JAK2: variants seen among roughly 807,000 people sequenced by gnomAD.
JAK2 encodes the protein tyrosine-protein kinase JAK2.
Under a neutral mutation model 139.3 loss-of-function variants are expected in JAK2, and 86 were observed. The ratio of observed to expected loss-of-function variants is 0.62; its 90% CI spans 0.52 to 0.74. The LOEUF (loss-of-function observed/expected upper bound fraction) is 0.74, where lower values mean the gene tolerates loss of function less well. Ranked by LOEUF, JAK2 falls within the 30% of genes least tolerant of loss-of-function variation. The probability of loss-of-function intolerance (pLI) is 0.00; values close to 1 mark genes in which losing one functional copy is unlikely to be tolerated. For synonymous variants in JAK2, 490 were observed against 437.7 expected, an observed-to-expected ratio of 1.12 and a Z score of -1.49; for missense variants, 1,421 against 1,360.3, an observed-to-expected ratio of 1.04 and a Z score of -0.70.
rs1229569400 is a variant in JAK2 at position 5,069,965 on chromosome 9, T to A, written c.1554T>A (p.Ser518=). 5 of 1,607,260 alleles carry A rather than the reference T, an allele frequency of 3.1e-6. No homozygotes were observed. The highest frequency in any genetic ancestry group is 4.3e-6 in the Non-Finnish European group (5 of 1,175,144). The change falls in exon 12 of 25, where the codon TCT becomes TCA. Residue 518 remains serine, a synonymous_variant. Coordinates refer to ENST00000381652, the MANE Select transcript of JAK2 (RefSeq NM_004972.4). ...TAGTCTTCAGAACGAATGGTGTTTC[T>A]GATGTACCAACCTCACCAACATTAC... is the stretch of plus-strand genomic sequence containing the variant. ...NLLVFRTNGV[S]DVPTSPTLQR... is the part of the protein sequence containing the mutation.
intron 1 of JAK2, 56 bp from the exon 2 acceptor site, chr9:4,985,884 G>A (rs527947137): frequency 6.5e-5 from 10 of 152,900 alleles, no homozygotes; most frequent in Admixed American, 2.0e-4. Context: ...CCTAGAAAAA[G>A]CATTTGTTTC....
At chr9:5,035,861 G>A (rs1022366512) in intron 4 of JAK2, among the ~76,000 whole-genome samples, 3 of 152,190 alleles carry the variant, frequency 2.0e-5, no homozygotes, top group Non-Finnish European at 4.4e-5. Flanking sequence ...ATTCAACATA[G>A]TGTTGGAAGT....
At chr9:5,102,491 TC>T (rs1821583439) in intron 22 of JAK2, among the ~76,000 whole-genome samples, 1 of 152,044 alleles carries the variant, frequency 6.6e-6, no homozygotes, top group African/African-American at 2.4e-5. Flanking sequence ...CAGGAGAACT[TC>T]CCCGACCTAC....
At chr9:5,013,090 C>T (rs964057963) in intron 2 of JAK2, among the ~76,000 whole-genome samples, 1 of 152,092 alleles carries the variant, frequency 6.6e-6, no homozygotes, top group Non-Finnish European at 1.5e-5. Flanking sequence ...AAAGGTTGAC[C>T]AAATTCTTTA....
At chr9:5,118,095 T>C (rs1394064300) in intron 22 of JAK2, among the ~76,000 whole-genome samples, 2 of 152,168 alleles carry the variant, frequency 1.3e-5, no homozygotes, top group African/African-American at 4.8e-5. Context: ...ATCTAAATAG[T>C]GCTTGCAGTG....
intron 2 of JAK2, among the ~76,000 whole-genome samples, chr9:5,012,938 T>C (rs1389646996): frequency 6.6e-6 from 1 of 152,136 alleles, no homozygotes; most frequent in Non-Finnish European, 1.5e-5. Flanking sequence ...TTGCAATAGT[T>C]CAGGAGAGAA....
chr9:5,125,401 C>A (rs1823913829), intron 23 of JAK2, among the ~76,000 whole-genome samples: 1 of 151,340 alleles, frequency 6.6e-6, no homozygotes, highest in African/African-American at 2.4e-5. Flanking sequence ...AGCATTCCAT[C>A]ATAAGGCTAT....
intron 2 of JAK2, among the ~76,000 whole-genome samples, chr9:5,009,684 CATTGCAT>C (rs1821558373): frequency 6.6e-6 from 1 of 152,130 alleles, no homozygotes; most frequent in Non-Finnish European, 1.5e-5. Context: ...CCTTGATAAT[CATTGCAT>C]ATTTATGCTT....
At chr9:5,042,025 C>A in intron 4 of JAK2, 1 of 316,238 alleles carries the variant, frequency 3.2e-6, no homozygotes, top group Non-Finnish European at 6.1e-6. Context: ...CAGGGCCAGA[C>A]GCTGGCTGGA....
chr9:5,089,211 T>G (rs1820366820), intron 19 of JAK2, among the ~76,000 whole-genome samples: 1 of 152,168 alleles, frequency 6.6e-6, no homozygotes, highest in Admixed American at 6.5e-5. Context: ...AGTATTTCCT[T>G]TTCTTGTTCT....
At chr9:5,087,718 A>G (rs1465872379) in intron 19 of JAK2, among the ~76,000 whole-genome samples, 1 of 152,210 alleles carries the variant, frequency 6.6e-6, no homozygotes, top group Non-Finnish European at 1.5e-5. Context: ...GGAACATCAA[A>G]TGGTAACCAC....
At chr9:5,041,762 C>G in intron 4 of JAK2, 1 of 489,204 alleles carries the variant, frequency 2.0e-6, no homozygotes. Flanking sequence ...GTGTCCACAC[C>G]GACCTGCCCT....
intron 18 of JAK2, 52 bp from the exon 19 acceptor site, chr9:5,081,673 C>T (rs2130617553): frequency 1.5e-6 from 2 of 1,348,612 alleles, no homozygotes; most frequent in Non-Finnish European, 2.1e-6. Context: ...TCAGTTTAGT[C>T]CAGAGAATGT....
chr9:5,008,684 T>A (rs934076976), intron 2 of JAK2, among the ~76,000 whole-genome samples: 1 of 152,194 alleles, frequency 6.6e-6, no homozygotes, highest in African/African-American at 2.4e-5. Context: ...GGTGTTTGGA[T>A]CCTTTGCTTT....
At chr9:5,087,291 G>C (rs563232313) in intron 19 of JAK2, among the ~76,000 whole-genome samples, 2 of 152,298 alleles carry the variant, frequency 1.3e-5, no homozygotes, top group African/African-American at 4.8e-5. Flanking sequence ...ATGAGTGCCA[G>C]CAGGAGAAAT....
chr9:5,102,326 G>C (rs1821565864), intron 22 of JAK2, among the ~76,000 whole-genome samples: 1 of 152,040 alleles, frequency 6.6e-6, no homozygotes, highest in Non-Finnish European at 1.5e-5. Context: ...TAAAGCGAGA[G>C]GAGAAGTTTA....
At chr9:4,987,843 G>A (rs1270615381) in intron 2 of JAK2, among the ~76,000 whole-genome samples, 1 of 152,114 alleles carries the variant, frequency 6.6e-6, no homozygotes, top group Non-Finnish European at 1.5e-5. Context: ...CATGCAAAGT[G>A]GTAAACTGCC....
intron 22 of JAK2, chr9:5,111,649 G>C (rs1012609480): frequency 2.6e-6 from 1 of 388,944 alleles, no homozygotes; most frequent in African/African-American, 2.1e-5. Flanking sequence ...CATGCCCCTC[G>C]TCCCTCCCGC....
intron 22 of JAK2, chr9:5,098,566 G>A (rs1015903121): frequency 5.9e-5 from 9 of 152,092 alleles, no homozygotes; most frequent in African/African-American, 1.9e-4. Flanking sequence ...TTAATTTTAA[G>A]GCCTCTCATC....
Sources: gnomAD v4.1 joint callset for allele counts (sites outside exome capture counted in the v4.1 genomes callset) on GRCh38, gnomAD v4.1.1 for gene constraint, MANE v1.5 for transcripts, NCBI Gene and HGNC (gene_info 2026-07-23, HGNC 2026-07-21) for gene names.